Variants in SCHIP1 observed in about 807,000 individuals in gnomAD.
SCHIP1 encodes the protein schwannomin-interacting protein 1.
In SCHIP1, 8 loss-of-function variants were observed where a neutral mutation model predicts 29.7. The observed-to-expected ratio is 0.27, with a 90% CI of 0.16 to 0.49. SCHIP1 has a LOEUF of 0.49. Among genes scored for constraint, SCHIP1 ranks in the 20% least tolerant of loss-of-function variants. The pLI, the probability that SCHIP1 is intolerant of heterozygous loss-of-function variation, is 0.99. For synonymous variants in SCHIP1, 76 were observed against 94.9 expected (o/e 0.80, Z 1.16); for missense variants, 193 against 294.6 (o/e 0.66, Z 2.52).
At chr3:159,698,239 C>G in the SCHIP1 span, among the ~76,000 whole-genome samples, 1 of 152,206 alleles carries the variant, frequency 6.6e-6, no homozygotes, top group Non-Finnish European at 1.5e-5. Context: ...TGAGACCAAA[C>G]AGTGTCTGCC....
the SCHIP1 span, among the ~76,000 whole-genome samples, chr3:159,558,666 T>C: frequency 6.6e-6 from 1 of 152,196 alleles, no homozygotes; most frequent in East Asian, 1.9e-4. Flanking sequence ...TGGGCACCTT[T>C]GCTCACACCA....
At chr3:159,770,047 C>T in the SCHIP1 span, among the ~76,000 whole-genome samples, 1 of 152,144 alleles carries the variant, frequency 6.6e-6, no homozygotes, top group Non-Finnish European at 1.5e-5. Flanking sequence ...AGTGGAATCA[C>T]AGTATGTGTG....
At chr3:159,403,392 G>T in the SCHIP1 span, among the ~76,000 whole-genome samples, 9 of 152,060 alleles carry the variant, frequency 5.9e-5, no homozygotes, top group Middle Eastern at 3.2e-3. Context: ...CACTGAAGTG[G>T]ACAGAAAAAA....
chr3:159,742,367 C>T, the SCHIP1 span, among the ~76,000 whole-genome samples: 1 of 152,170 alleles, frequency 6.6e-6, no homozygotes. Context: ...CTGGGGATTT[C>T]TTCAAAATAT....
chr3:159,618,163 G>A, the SCHIP1 span, among the ~76,000 whole-genome samples: 1 of 152,216 alleles, frequency 6.6e-6, no homozygotes, highest in Non-Finnish European at 1.5e-5. Flanking sequence ...CTGAGGCTCA[G>A]AGTGGTTAAG....
chr3:159,404,985 G>A, the SCHIP1 span, among the ~76,000 whole-genome samples: 1 of 152,212 alleles, frequency 6.6e-6, no homozygotes. Context: ...GAATAGAAGA[G>A]TCTCTGCTTG....
At chr3:159,559,230 G>A in the SCHIP1 span, among the ~76,000 whole-genome samples, 1 of 152,150 alleles carries the variant, frequency 6.6e-6, no homozygotes, top group Non-Finnish European at 1.5e-5. Context: ...AAGGCTGCTT[G>A]GGTCTCTAAT....
chr3:159,607,997 G>A, the SCHIP1 span, among the ~76,000 whole-genome samples: 1 of 152,126 alleles, frequency 6.6e-6, no homozygotes, highest in Non-Finnish European at 1.5e-5. Context: ...TGGACCCTGG[G>A]AGCTGTGAGG....
chr3:159,583,895 C>G, the SCHIP1 span, among the ~76,000 whole-genome samples: 6 of 152,162 alleles, frequency 3.9e-5, no homozygotes, highest in African/African-American at 9.6e-5. Context: ...CCAATCGGCT[C>G]TTTATTCTCT....
the SCHIP1 span, among the ~76,000 whole-genome samples, chr3:159,391,315 G>A: frequency 3.9e-5 from 6 of 152,066 alleles, no homozygotes. Flanking sequence ...TTTCAAGGTG[G>A]CAGTTCAGGG....
the SCHIP1 span, among the ~76,000 whole-genome samples, chr3:159,528,236 T>A: frequency 6.6e-6 from 1 of 152,192 alleles, no homozygotes; most frequent in African/African-American, 2.4e-5. Context: ...CATAAAATTG[T>A]TGAGAACAGG....
chr3:159,837,772 G>T (rs1411863008), upstream of SCHIP1, among the ~76,000 whole-genome samples: 1 of 152,094 alleles, frequency 6.6e-6, no homozygotes, highest in Non-Finnish European at 1.5e-5. Context: ...GTATTGCAAG[G>T]CACTCTACAC....
the SCHIP1 span, among the ~76,000 whole-genome samples, chr3:159,388,791 T>C: frequency 2.0e-5 from 3 of 152,118 alleles, no homozygotes; most frequent in African/African-American, 7.2e-5. Context: ...AAAGATAATA[T>C]TTCAACTCGG....
At chr3:159,299,721 T>C in the SCHIP1 span, among the ~76,000 whole-genome samples, 1 of 152,144 alleles carries the variant, frequency 6.6e-6, no homozygotes, top group Non-Finnish European at 1.5e-5. Context: ...GATCCCACAC[T>C]GTCTGCAGGC....
the SCHIP1 span, among the ~76,000 whole-genome samples, chr3:159,727,539 A>G: frequency 6.6e-6 from 1 of 151,972 alleles, no homozygotes; most frequent in Non-Finnish European, 1.5e-5. Flanking sequence ...AATATCAATA[A>G]TATTCATTAA....
At chr3:159,381,785 C>T in the SCHIP1 span, among the ~76,000 whole-genome samples, 36 of 151,966 alleles carry the variant, frequency 2.4e-4, no homozygotes, top group African/African-American at 5.1e-4. Context: ...TTAGTAGAGA[C>T]GGGTTTCACC....
chr3:159,604,756 G>C, the SCHIP1 span, among the ~76,000 whole-genome samples: 1 of 152,042 alleles, frequency 6.6e-6, no homozygotes, highest in Non-Finnish European at 1.5e-5. Context: ...GTTATTGACA[G>C]TTCATGTGTT....
chr3:159,765,252 T>C, the SCHIP1 span: 30 of 1,260,566 alleles, frequency 2.4e-5, no homozygotes, highest in African/African-American at 4.4e-4. Context: ...TCATTCTTCC[T>C]CGAGGGTGGG....
At chr3:159,335,598 G>GT in the SCHIP1 span, among the ~76,000 whole-genome samples, 3 of 152,130 alleles carry the variant, frequency 2.0e-5, no homozygotes, top group East Asian at 5.8e-4. Context: ...GTGGTGATTG[G>GT]TTTTTTATCC....
Sources: gnomAD v4.1 joint callset for allele counts (sites outside exome capture counted in the v4.1 genomes callset) on GRCh38, gnomAD v4.1.1 for gene constraint, MANE v1.5 for transcripts, NCBI Gene and HGNC (gene_info 2026-07-23, HGNC 2026-07-21) for gene names.